The following ARFGEF3 variants were observed in gnomAD, a reference collection of about 807,000 sequenced individuals.
The protein encoded by ARFGEF3 is ARFGEF family member 3.
A neutral mutation model predicts 221.7 loss-of-function variants in ARFGEF3; 96 were observed. That is an observed-to-expected ratio of 0.43 (90% CI 0.37 to 0.51). The LOEUF (loss-of-function observed/expected upper bound fraction) is 0.51, where lower values mean the gene tolerates loss of function less well. Ranked by LOEUF, ARFGEF3 falls within the 20% of genes least tolerant of loss-of-function variation. The pLI is 0.00. For synonymous variants in ARFGEF3, 1,145 were observed against 1,126.8 expected (o/e 1.02, Z -0.32); for missense variants, 2,410 against 2,789.9 (o/e 0.86, Z 3.07).
chr6:138,238,399 T>A lies in ARFGEF3; in HGVS notation c.421-110T>A. ...AGTAATAACCAGTCCTAAATCAGGC[T>A]GACTTTCTGTTTAAGAGGGATTTGA... On this transcript the variant is annotated intron_variant, in intron 5 of 33. Coordinates refer to ENST00000251691, the MANE Select transcript of ARFGEF3 (RefSeq NM_020340.5). 3 of 1,161,078 alleles carry A rather than the reference T, an allele frequency of 2.6e-6. No homozygotes were observed. In the East Asian group the frequency reaches 7.6e-5, roughly 29 times the overall value. The allele number at this position is 1,161,078 out of a possible 1,614,324, so 71.9% of individuals were successfully genotyped here.
chr6:138,242,562 T>G (rs1778411661), intron 6 of ARFGEF3, among the ~76,000 whole-genome samples: 1 of 152,232 alleles, frequency 6.6e-6, no homozygotes, highest in African/African-American at 2.4e-5. Context: ...GCTGTAGCCT[T>G]GGAATAGGTT....
intron 2 of ARFGEF3, among the ~76,000 whole-genome samples, chr6:138,176,908 T>A (rs1776961488): frequency 6.6e-6 from 1 of 152,034 alleles, no homozygotes; most frequent in Non-Finnish European, 1.5e-5. Context: ...CATTTTCTTT[T>A]CTTTGTTTTT....
chr6:138,264,988 C>T (rs1366877197), intron 12 of ARFGEF3, among the ~76,000 whole-genome samples: 2 of 151,350 alleles, frequency 1.3e-5, no homozygotes, highest in African/African-American at 2.4e-5. Context: ...ACTGCAAGCT[C>T]CGCCTCCCGG....
Position 138,237,498 on chromosome 6 carries a change from A to G in ARFGEF3, c.421-1011A>G, listed in dbSNP as rs150194421. Among the ~76,000 whole-genome samples the G allele has an allele frequency of 8.3e-3, 1,254 of 151,432 alleles. 15 individuals are homozygous for G. The highest frequency in any genetic ancestry group is 0.037 in the Middle Eastern group (11 of 294). ...GAAAAGTCATGACTTTTAGCAGCAT[A>G]TTATCAAATGAGGGATTTTTTTTTC... On this transcript the variant is annotated intron_variant, in intron 5 of 33. Coordinates refer to ENST00000251691, the MANE Select transcript of ARFGEF3 (RefSeq NM_020340.5).
chr6:138,306,751 C>T (rs1779729782), intron 22 of ARFGEF3, among the ~76,000 whole-genome samples: 2 of 148,180 alleles, frequency 1.3e-5, no homozygotes, highest in Admixed American at 1.4e-4. Flanking sequence ...TAAACTTACA[C>T]CTTTACCTCT....
At chr6:138,274,287 T>C (rs1779056046) in intron 12 of ARFGEF3, among the ~76,000 whole-genome samples, 1 of 152,178 alleles carries the variant, frequency 6.6e-6, no homozygotes, top group Non-Finnish European at 1.5e-5. Context: ...TGATCCAGGG[T>C]AGTTAAACAC....
chr6:138,318,148 A>G (rs558861205), intron 27 of ARFGEF3, among the ~76,000 whole-genome samples: 26 of 152,302 alleles, frequency 1.7e-4, no homozygotes, highest in African/African-American at 6.0e-4. Flanking sequence ...CAAAGTTTAT[A>G]TTATTTTTTA....
intron 12 of ARFGEF3, among the ~76,000 whole-genome samples, chr6:138,274,329 T>C (rs1270253295): frequency 2.6e-5 from 4 of 152,240 alleles, no homozygotes; most frequent in East Asian, 3.8e-4. Flanking sequence ...TGTTTTACCA[T>C]GGAAGGAGAC....
chr6:138,303,885 A>AAT (rs1779671455), intron 22 of ARFGEF3, among the ~76,000 whole-genome samples: 1 of 150,558 alleles, frequency 6.6e-6, no homozygotes, highest in South Asian at 2.1e-4. Context: ...AAAAAAAAAA[A>AAT]AAAGATAATA....
rs1582989054 is a variant in ARFGEF3 at position 138,162,790 on chromosome 6, T to C, written c.85+619T>C. On this transcript the variant is annotated intron_variant, in intron 1 of 33. Transcript: ENST00000251691. This position sits in a 1 kb window ranked among gnomAD's most constrained non-coding sequence, Gnocchi z 4.7. ...AAGTAAGTTCCAGGGAGCAAATTTG[T>C]GTTTCTCATCAGACTCAGGTTGCAG... 5.9e-5 allele frequency among the ~76,000 whole-genome samples: 9 copies of C among 152,222 alleles called. 2 individuals are homozygous for C. Among genetic ancestry groups the C allele is most frequent in the Admixed American group, 5.9e-4 (9 of 15,300 alleles).
chr6:138,324,295 T>A, intron 31 of ARFGEF3, 141 bp downstream of exon 31: 1 of 937,350 alleles, frequency 1.1e-6, no homozygotes. Flanking sequence ...CTCTTGCCAC[T>A]ACCATTCTTT....
rs780752372 is a variant in ARFGEF3 at position 138,262,860 on chromosome 6, G to A, written c.1377G>A (p.Glu459=). The A allele has an allele frequency of 2.5e-6, 4 of 1,613,870 alleles. No homozygotes were observed. Among genetic ancestry groups the A allele is most frequent in the Non-Finnish European group, 3.4e-6 (4 of 1,179,874 alleles). ...TGCAACTGCTGCTTCTGCGCCTTGAGGAGCTGAAGGATGGGGCTGAGTGGA... is the reference window on the plus strand; with the variant it reads ...TGCAACTGCTGCTTCTGCGCCTTGAAGAGCTGAAGGATGGGGCTGAGTGGA... ...GQVQLLLLRL[E]ELKDGAEWSR... The change falls in exon 12 of 34, where the codon GAG becomes GAA. Residue 459 remains glutamate (E), a synonymous_variant. Transcript: ENST00000251691.
At chr6:138,263,804 G>A (rs1778835685) in intron 12 of ARFGEF3, among the ~76,000 whole-genome samples, 193 bp downstream of exon 12, 1 of 152,172 alleles carries the variant, frequency 6.6e-6, no homozygotes, top group Non-Finnish European at 1.5e-5. Context: ...TACAGCAGTC[G>A]ATGGCTGGAA....
chr6:138,208,398 A>T (rs1777662572), intron 3 of ARFGEF3, among the ~76,000 whole-genome samples: 1 of 152,116 alleles, frequency 6.6e-6, no homozygotes, highest in South Asian at 2.1e-4. Context: ...AATCCTTTTG[A>T]AAGAATATAG....
At chr6:138,322,743 C>T (rs1050530599) in intron 29 of ARFGEF3, among the ~76,000 whole-genome samples, 22 of 146,812 alleles carry the variant, frequency 1.5e-4, no homozygotes, top group Non-Finnish European at 2.8e-4. Flanking sequence ...TGCAGTAAGA[C>T]GAGATGGCAC....
intron 20 of ARFGEF3, among the ~76,000 whole-genome samples, chr6:138,296,340 T>C (rs185832586): frequency 1.0e-3 from 153 of 152,344 alleles, no homozygotes; most frequent in Middle Eastern, 3.4e-3. Context: ...TCAGTTACTA[T>C]GTGCTGGGCC....
chr6:138,330,297 C>A (rs969359313), intron 32 of ARFGEF3, among the ~76,000 whole-genome samples: 24 of 152,126 alleles, frequency 1.6e-4, no homozygotes, highest in Admixed American at 1.6e-3. Flanking sequence ...AGACAGCTCC[C>A]TTGCCCTCTT....
chr6:138,316,217 A>G (rs909813360), intron 26 of ARFGEF3, among the ~76,000 whole-genome samples: 2 of 152,190 alleles, frequency 1.3e-5, no homozygotes, highest in Non-Finnish European at 2.9e-5. Flanking sequence ...TACATAATCA[A>G]TGTAACTAGG....
rs181856305 is a variant in ARFGEF3 at position 138,291,233 on chromosome 6, G to A, written c.3048-500G>A. On this transcript the variant is annotated intron_variant, in intron 18 of 33. Transcript: ENST00000251691. The surrounding 1 kb of genome is among the most constrained non-coding windows in gnomAD (Gnocchi z 4.5). ...CCCACCCAGACTTGAGTTATGTGGC[G>A]CCGTCGGGACCAGGCAGGACGTGGC... 8.6e-3 allele frequency among the ~76,000 whole-genome samples: 1,305 copies of A among 152,262 alleles called. 21 individuals carry two copies. The highest frequency in any genetic ancestry group is 0.03 in the African/African-American group (1,240 of 41,550).
Sources: gnomAD v4.1 joint callset for allele counts (sites outside exome capture counted in the v4.1 genomes callset) on GRCh38, gnomAD v4.1.1 for gene constraint, Gnocchi (gnomAD v3.1) non-coding constraint, MANE v1.5 for transcripts, NCBI Gene and HGNC (gene_info 2026-07-23, HGNC 2026-07-21) for gene names.